SGK3: variants seen among roughly 807,000 people sequenced by gnomAD.
The protein encoded by SGK3 is serum/glucocorticoid regulated kinase family member 3, also known as serine/threonine-protein kinase Sgk3.
SGK3 carries 47 observed loss-of-function variants against 68.5 expected under a neutral mutation model. The ratio of observed to expected loss-of-function variants is 0.69; its 90% CI spans 0.54 to 0.87. SGK3 has a LOEUF of 0.87. SGK3 is among the 40% of genes least tolerant of loss of function. The pLI is 0.00. For synonymous variants in SGK3, 181 were observed against 189.1 expected, an observed-to-expected ratio of 0.96 and a Z score of 0.35; for missense variants, 479 against 575.5, an observed-to-expected ratio of 0.83 and a Z score of 1.72.
rs117547932 is a variant in SGK3 at position 66,750,588 on chromosome 8, T to A, written c.-122+37755T>A. On this transcript the variant is annotated intron_variant, in intron 1 of 16. Coordinates refer to ENST00000521198, the MANE Select transcript of SGK3 (RefSeq NM_001033578.3). The stretch of plus-strand genomic sequence containing the variant: ...CTGTAGTCCCAGCTACTCGGGAGGC[T>A]AAGGCAATGAGAATCACTTGAACCT... 6.6e-4 allele frequency among the ~76,000 whole-genome samples: 99 copies of A among 150,890 alleles called. No individual in the cohort carries two copies. In the East Asian group the frequency reaches 0.011, roughly 17 times the overall value.
intron 1 of SGK3, among the ~76,000 whole-genome samples, chr8:66,774,738 T>C (rs1806626090): frequency 1.3e-5 from 2 of 152,276 alleles, no homozygotes; most frequent in South Asian, 4.1e-4. Flanking sequence ...AAAGGATGTG[T>C]GGTGGAGACT....
chr8:66,842,885 A>G (rs1210268284), intron 13 of SGK3, among the ~76,000 whole-genome samples: 1 of 152,132 alleles, frequency 6.6e-6, no homozygotes, highest in Non-Finnish European at 1.5e-5. Flanking sequence ...CCTGGGCAAC[A>G]TGGCTAAACC....
chr8:66,728,917 TA>T lies in SGK3; in HGVS notation c.-122+16099del, dbSNP rs879295820. On this transcript the variant is annotated intron_variant, in intron 1 of 16. Coordinates refer to ENST00000521198, the MANE Select transcript of SGK3 (RefSeq NM_001033578.3). Reference sequence around the variant, plus strand: ...GGCAACAGAGCGAAACTCTGCCTCTTAAAAAAAAAAAAAAATCTGGACTGGG... The same window carrying T: ...GGCAACAGAGCGAAACTCTGCCTCTTAAAAAAAAAAAAAATCTGGACTGGG... 7.4e-3 allele frequency among the ~76,000 whole-genome samples: 1,037 copies of T among 139,218 alleles called. 1 individual carries two copies. The highest frequency in any genetic ancestry group is 0.013 in the East Asian group (60 of 4,668). The allele number at this position is 139,218 out of a possible 152,430, so 91.3% of individuals were successfully genotyped here.
At chr8:66,851,513 C>G (rs572864797) in intron 16 of SGK3, among the ~76,000 whole-genome samples, 1 of 150,686 alleles carries the variant, frequency 6.6e-6, no homozygotes, top group Non-Finnish European at 1.5e-5. Flanking sequence ...AGAGCGAGAC[C>G]CTGTCTCAAA....
chr8:66,734,228 C>CTTTTTTTTTTTTTTTTTTTT (rs529741200), intron 1 of SGK3, among the ~76,000 whole-genome samples: 83 of 104,138 alleles, frequency 8.0e-4, no homozygotes, highest in Middle Eastern at 7.9e-3. Flanking sequence ...CTTTTTCTTT[C>CTTTTTTTTTTTTTTTTTTTT]TTTTTTTTTT....
At chr8:66,768,658 A>G (rs1274848247) in intron 1 of SGK3, among the ~76,000 whole-genome samples, 1 of 151,984 alleles carries the variant, frequency 6.6e-6, no homozygotes, top group Admixed American at 6.6e-5. Flanking sequence ...TCTGCCCCCC[A>G]GGTTCAAGTG....
At chr8:66,771,491 T>C (rs1335843319) in intron 1 of SGK3, among the ~76,000 whole-genome samples, 1 of 152,168 alleles carries the variant, frequency 6.6e-6, no homozygotes, top group Non-Finnish European at 1.5e-5. Flanking sequence ...TTAAGGAAAA[T>C]TTACTCTCTA....
intron 15 of SGK3, among the ~76,000 whole-genome samples, chr8:66,849,856 G>A (rs1300080289): frequency 6.6e-6 from 1 of 152,112 alleles, no homozygotes; most frequent in Non-Finnish European, 1.5e-5. Flanking sequence ...TGGGATTATA[G>A]GTGTAAGCCA....
chr8:66,861,863 T>C lies in SGK3; in HGVS notation c.*2282T>C, dbSNP rs1810754031. On this transcript the variant is annotated 3_prime_UTR_variant, in exon 17 of 17. Coordinates refer to ENST00000521198, the MANE Select transcript of SGK3 (RefSeq NM_001033578.3). ...GAAGCAAAATAAAAATTCTAGTTTCTTGTATGATTTTTTGTACTCATTCAT... is the reference window on the plus strand; with the variant it reads ...GAAGCAAAATAAAAATTCTAGTTTCCTGTATGATTTTTTGTACTCATTCAT... 6.6e-6 allele frequency: 1 copy of C among 152,230 alleles called. No homozygotes were observed. 9.4% of individuals were successfully genotyped at this position (152,230 alleles called of 1,614,324 possible).
At chr8:66,836,300 G>A (rs1047912491) in intron 10 of SGK3, among the ~76,000 whole-genome samples, 1 of 152,122 alleles carries the variant, frequency 6.6e-6, no homozygotes, top group African/African-American at 2.4e-5. Flanking sequence ...TGAAGCTGCT[G>A]GCTTCATGGA....
chr8:66,776,301 C>T (rs1281339782), intron 1 of SGK3, among the ~76,000 whole-genome samples: 1 of 152,146 alleles, frequency 6.6e-6, no homozygotes, highest in Non-Finnish European at 1.5e-5. Context: ...AGAGGCAGCG[C>T]CTTTAAGGTG....
chr8:66,762,301 T>G (rs1806196790), intron 1 of SGK3, among the ~76,000 whole-genome samples: 1 of 152,128 alleles, frequency 6.6e-6, no homozygotes, highest in African/African-American at 2.4e-5. Context: ...TAACATCAGC[T>G]GGACGTCAGG....
intron 1 of SGK3, among the ~76,000 whole-genome samples, chr8:66,747,289 T>C (rs912787178): frequency 1.3e-5 from 2 of 152,182 alleles, no homozygotes; most frequent in Non-Finnish European, 2.9e-5. Flanking sequence ...ATGGTTTTGT[T>C]GTTGTTGTTG....
At chr8:66,840,371 AC>A (rs1357675120) in intron 12 of SGK3, 124 bp downstream of exon 12, 1 of 992,632 alleles carries the variant, frequency 1.0e-6, no homozygotes, top group Non-Finnish European at 1.4e-6. Context: ...TCTCAAAATG[AC>A]AAAACGGTAG....
At chr8:66,712,887 C>G (rs1415977056) in intron 1 of SGK3, 54 bp downstream of exon 1, 1 of 151,610 alleles carries the variant, frequency 6.6e-6, no homozygotes, top group Non-Finnish European at 1.5e-5. Flanking sequence ...GACGGCGGCC[C>G]GGGGCGGGAG....
chr8:66,844,837 C>CTAG (rs1809943496), intron 14 of SGK3, among the ~76,000 whole-genome samples: 1 of 152,330 alleles, frequency 6.6e-6, no homozygotes, highest in South Asian at 2.1e-4. Context: ...CTGTGAAAGC[C>CTAG]AACACCATCT....
intron 15 of SGK3, 92 bp from the exon 16 acceptor site, chr8:66,850,739 A>G: frequency 3.2e-6 from 4 of 1,265,264 alleles, no homozygotes; most frequent in Non-Finnish European, 4.4e-6. Context: ...ATTGAGGGGC[A>G]AAATAGTAAT....
At chr8:66,826,126 C>T (rs1418575436) in intron 6 of SGK3, among the ~76,000 whole-genome samples, 5 of 152,144 alleles carry the variant, frequency 3.3e-5, no homozygotes, top group Admixed American at 6.5e-5. Context: ...GCGCACGCCA[C>T]CACGCCAAGC....
intron 1 of SGK3, among the ~76,000 whole-genome samples, chr8:66,725,296 G>A (rs893160252): frequency 6.6e-6 from 1 of 152,064 alleles, no homozygotes; most frequent in Non-Finnish European, 1.5e-5. Flanking sequence ...AGCTACTTGG[G>A]AGGCTGAGGC....
Sources: gnomAD v4.1 joint callset for allele counts (sites outside exome capture counted in the v4.1 genomes callset) on GRCh38, gnomAD v4.1.1 for gene constraint, MANE v1.5 for transcripts, NCBI Gene and HGNC (gene_info 2026-07-23, HGNC 2026-07-21) for gene names.